IMMP1L: variants seen among roughly 807,000 people sequenced by gnomAD.
The protein encoded by IMMP1L is inner mitochondrial membrane peptidase subunit 1, also known as mitochondrial inner membrane protease subunit 1.
A neutral mutation model predicts 21.8 loss-of-function variants in IMMP1L; 24 were observed. That is an observed-to-expected ratio of 1.10 (90% CI 0.80 to 1.55). The LOEUF is 1.55. Ranked by LOEUF, IMMP1L falls within the 40% of genes most tolerant of loss-of-function variation. The pLI is 0.00. For missense variants in IMMP1L, 195 were observed against 200.7 expected (o/e 0.97, Z 0.17); for synonymous variants, 46 against 62.8 (o/e 0.73, Z 1.26).
intron 1 of IMMP1L, among the ~76,000 whole-genome samples, chr11:31,471,641 C>A (rs142358772): frequency 2.2e-4 from 33 of 152,210 alleles, no homozygotes; most frequent in African/African-American, 7.2e-4. Flanking sequence ...AGTTAACATA[C>A]TGGTAGTTTT....
At chr11:31,461,793 A>G (rs2133661450) in intron 2 of IMMP1L, among the ~76,000 whole-genome samples, 1 of 152,218 alleles carries the variant, frequency 6.6e-6, no homozygotes, top group South Asian at 2.1e-4. Context: ...AATCCATAAC[A>G]CTTCTGGTCC....
intron 1 of IMMP1L, chr11:31,477,423 G>A: frequency 2.4e-6 from 1 of 412,798 alleles, no homozygotes; most frequent in Non-Finnish European, 3.3e-6. Flanking sequence ...TATATGTCTT[G>A]CATAATTTTA....
At position 31,509,609 on chromosome 11, in the gene IMMP1L, A is replaced by G; in HGVS notation, c.-120T>C. On this transcript the variant is annotated 5_prime_UTR_variant, in exon 1 of 6. Transcript: ENST00000532287. ...CCGCCGAAGTCGACCGTCCTTTCGTAGGGCGCACTTTTCAGCAATACGCCT... is the reference window on the plus strand; with the variant it reads ...CCGCCGAAGTCGACCGTCCTTTCGTGGGGCGCACTTTTCAGCAATACGCCT... 3.0e-6 allele frequency: 2 copies of G among 660,444 alleles called. No individual in the cohort carries two copies. The highest frequency in any genetic ancestry group is 5.1e-6 in the Non-Finnish European group (2 of 390,612). 40.9% of individuals were successfully genotyped at this position (660,444 alleles called of 1,614,324 possible).
chr11:31,439,622 CACTT>C (rs1394099684), intron 4 of IMMP1L, among the ~76,000 whole-genome samples: 1 of 152,150 alleles, frequency 6.6e-6, no homozygotes, highest in African/African-American at 2.4e-5. Flanking sequence ...ACTGGACACT[CACTT>C]GCTGAGTAGA....
rs555645594 is a variant in IMMP1L at position 31,452,367 on chromosome 11, A to G, written c.321+3893T>C. 8.4e-5 allele frequency: 83 copies of G among 985,388 alleles called. No homozygotes were observed. The South Asian group carries it at 1.1e-3, about 13-fold the overall frequency. 61.0% of individuals were successfully genotyped at this position (985,388 alleles called of 1,614,324 possible). On this transcript the variant is annotated intron_variant, in intron 4 of 5. Coordinates refer to ENST00000532287, the MANE Select transcript of IMMP1L (RefSeq NM_001304274.2). ...TTCTTTTAATTGGCTTTATAACAAA[A>G]TTATAGTGTATTTCTGAGCCCTGGC...
intron 1 of IMMP1L, among the ~76,000 whole-genome samples, chr11:31,478,297 C>A (rs560599384): frequency 6.6e-6 from 1 of 152,300 alleles, no homozygotes; most frequent in South Asian, 2.1e-4. Context: ...TTCCAGATTT[C>A]TAAATCCCCT....
At chr11:31,488,251 G>A (rs1379062298) in intron 1 of IMMP1L, 1 of 151,994 alleles carries the variant, frequency 6.6e-6, no homozygotes, top group African/African-American at 2.4e-5. Flanking sequence ...CCTAAAGCAG[G>A]AAATCAAAAT....
At chr11:31,498,566 A>G (rs1025609664) in intron 1 of IMMP1L, among the ~76,000 whole-genome samples, 1 of 152,214 alleles carries the variant, frequency 6.6e-6, no homozygotes, top group African/African-American at 2.4e-5. Context: ...TACCTATTTT[A>G]GCAGAGCAAA....
chr11:31,467,569 T>A (rs1591990619), intron 1 of IMMP1L, among the ~76,000 whole-genome samples: 1 of 152,020 alleles, frequency 6.6e-6, no homozygotes, highest in South Asian at 2.1e-4. Flanking sequence ...TGATAACACA[T>A]TAAATTAAAA....
chr11:31,469,211 T>C (rs890525431), intron 1 of IMMP1L, among the ~76,000 whole-genome samples: 2 of 152,120 alleles, frequency 1.3e-5, no homozygotes, highest in Admixed American at 6.5e-5. Flanking sequence ...TACTAAATGA[T>C]TGCATTCAAT....
chr11:31,462,089 C>G (rs1253564538), intron 2 of IMMP1L, among the ~76,000 whole-genome samples: 2 of 151,954 alleles, frequency 1.3e-5, no homozygotes, highest in South Asian at 4.2e-4. Flanking sequence ...CCAAGGTAGG[C>G]AGATCACCTG....
At chr11:31,496,665 T>C (rs537273988) in intron 1 of IMMP1L, among the ~76,000 whole-genome samples, 18 of 150,872 alleles carry the variant, frequency 1.2e-4, no homozygotes, top group African/African-American at 4.1e-4. Flanking sequence ...CTTATATATA[T>C]GTTATAACTT....
At chr11:31,460,441 T>G (rs1402806245) in intron 3 of IMMP1L, among the ~76,000 whole-genome samples, 185 bp downstream of exon 3, 2 of 152,180 alleles carry the variant, frequency 1.3e-5, no homozygotes, top group East Asian at 3.8e-4. Context: ...ACTGCATATG[T>G]TTGAGAAACT....
chr11:31,504,594 A>C (rs1955724991), intron 1 of IMMP1L, among the ~76,000 whole-genome samples: 1 of 152,354 alleles, frequency 6.6e-6, no homozygotes, highest in South Asian at 2.1e-4. Context: ...GTAAGAGTAT[A>C]AACTGGTACA....
intron 4 of IMMP1L, among the ~76,000 whole-genome samples, chr11:31,454,647 C>T (rs1333134948): frequency 6.6e-6 from 1 of 151,956 alleles, no homozygotes; most frequent in African/African-American, 2.4e-5. Flanking sequence ...AAAACAAAAA[C>T]AAAATTCAAT....
intron 4 of IMMP1L, chr11:31,433,866 G>C (rs1174410484): frequency 4.8e-6 from 1 of 210,280 alleles, no homozygotes. Flanking sequence ...TAGTGTGACA[G>C]GGTCATTAAT....
chr11:31,499,930 C>T (rs1955563786), intron 1 of IMMP1L, among the ~76,000 whole-genome samples: 1 of 132,932 alleles, frequency 7.5e-6, no homozygotes, highest in African/African-American at 3.0e-5. Context: ...GTTCTGGAGG[C>T]TAACTTCTTA....
intron 1 of IMMP1L, among the ~76,000 whole-genome samples, chr11:31,475,158 T>C (rs890698925): frequency 2.0e-5 from 3 of 152,230 alleles, no homozygotes; most frequent in African/African-American, 7.2e-5. Flanking sequence ...TCCACTGGTA[T>C]TTTCTGAATT....
intron 2 of IMMP1L, among the ~76,000 whole-genome samples, chr11:31,461,950 A>G (rs1954154349): frequency 6.6e-6 from 1 of 152,160 alleles, no homozygotes; most frequent in Non-Finnish European, 1.5e-5. Context: ...TCAGGCAGAA[A>G]TAGGAGGAAA....
Sources: allele counts gnomAD v4.1 joint callset (sites outside exome capture counted in the v4.1 genomes callset), GRCh38; gene constraint gnomAD v4.1.1; transcripts MANE v1.5; gene names NCBI Gene and HGNC (gene_info 2026-07-23, HGNC 2026-07-21).